Variants in CSRNP3 observed in about 807,000 individuals in gnomAD.
CSRNP3 encodes cysteine and serine rich nuclear protein 3.
Under a neutral mutation model 48.0 loss-of-function variants are expected in CSRNP3, and 12 were observed. That is an observed-to-expected ratio of 0.25 (90% CI 0.16 to 0.41). The LOEUF is 0.41. CSRNP3 is among the 10% of genes least tolerant of loss of function. The pLI is 1.00. For missense variants in CSRNP3, 580 were observed against 724.4 expected (o/e 0.80, Z 2.29); for synonymous variants, 263 against 269.7 (o/e 0.98, Z 0.24).
intron 5 of CSRNP3, among the ~76,000 whole-genome samples, chr2:165,674,168 A>G (rs1687381224): frequency 6.6e-6 from 1 of 152,202 alleles, no homozygotes; most frequent in South Asian, 2.1e-4. Context: ...ATTAAAGGGA[A>G]TCATGCTACC....
At position 165,679,126 on chromosome 2, in the gene CSRNP3, AGAG is replaced by A. The variant is rs1233642981; in HGVS notation, c.1134_1136del (p.Glu383del). On this transcript the variant is annotated inframe_deletion, in exon 7 of 7. Coordinates refer to ENST00000651982, the MANE Select transcript of CSRNP3 (RefSeq NM_001172173.2). Reference sequence around the variant, plus strand: ...CAGACGAGGAGGAGGAGGAAGAAGAAGAGGAAGAGGAGGAGGAGGATGACGATG... The same window carrying A: ...CAGACGAGGAGGAGGAGGAAGAAGAAGAAGAGGAGGAGGAGGATGACGATG... 3 of 1,613,664 alleles carry A rather than the reference AGAG, an allele frequency of 1.9e-6. No homozygotes were observed. Among genetic ancestry groups the A allele is most frequent in the African/African-American group, 1.3e-5 (1 of 74,872 alleles).
At chr2:165,557,909 T>C (rs1330460549) in intron 3 of CSRNP3, among the ~76,000 whole-genome samples, 2 of 152,218 alleles carry the variant, frequency 1.3e-5, no homozygotes, top group Non-Finnish European at 2.9e-5. Flanking sequence ...TGGAATCCAG[T>C]TTCTTATTTA....
At position 165,678,920 on chromosome 2, in the gene CSRNP3, G is replaced by A. The variant is rs141222366; in HGVS notation, c.925G>A (p.Val309Ile). 2.5e-5 allele frequency: 41 copies of A among 1,614,018 alleles called. No homozygotes were observed. The Middle Eastern group carries it at 6.6e-4, about 26-fold the overall frequency. The change falls in exon 7 of 7, where the codon GTA becomes ATA. Residue 309 changes from valine (V) to isoleucine (I), a missense_variant. By Grantham distance (29) the Val-to-Ile change is conservative. This residue lies in a region of CSRNP3 where 369 missense variants were observed against 380.8 expected (regional missense o/e 0.97). Transcript: ENST00000651982. Reference sequence around the variant, plus strand: ...TTCTATGGGCCCTGTCGCTCACTCCGTAGAATATTCAATCGCAGACAGTTT... The same window carrying A: ...TTCTATGGGCCCTGTCGCTCACTCCATAGAATATTCAATCGCAGACAGTTT... Reference protein sequence around the residue: ...SSSMGPVAHSVEYSIADSFEI... With the variant: ...SSSMGPVAHSIEYSIADSFEI...
chr2:165,607,883 C>T (rs1210928206), intron 4 of CSRNP3, among the ~76,000 whole-genome samples: 2 of 151,882 alleles, frequency 1.3e-5, no homozygotes, highest in Admixed American at 6.6e-5. Context: ...CCTGTTTCTT[C>T]TTTCGCAAAA....
chr2:165,572,568 G>T (rs1685389493), intron 3 of CSRNP3: 1 of 152,184 alleles, frequency 6.6e-6, no homozygotes, highest in East Asian at 1.9e-4. Context: ...CAAGGACTAA[G>T]ACTACAGTTA....
In CSRNP3 at chr2:165,615,887, GGTTTTT is replaced by G. The variant is rs1377247992; in HGVS notation, c.148+20675_148+20680del. ...CACCATATCTGGCTAATGTTTGTGG[GGTTTTT>G]TTTTTTTTTTTTTTTTTTTTACAGA... On this transcript the variant is annotated intron_variant, in intron 4 of 6. Coordinates refer to ENST00000651982, the MANE Select transcript of CSRNP3 (RefSeq NM_001172173.2). 7.5e-3 allele frequency among the ~76,000 whole-genome samples: 946 copies of G among 126,660 alleles called. 13 individuals carry two copies. The highest frequency in any genetic ancestry group is 0.021 in the African/African-American group (733 of 34,620). 83.1% of individuals were successfully genotyped at this position (126,660 alleles called of 152,430 possible). A position where few individuals can be genotyped will look rare whatever the true frequency, so the allele number is the denominator to read the frequency against.
At chr2:165,562,455 C>CTAT (rs1685246263) in intron 3 of CSRNP3, among the ~76,000 whole-genome samples, 1 of 152,154 alleles carries the variant, frequency 6.6e-6, no homozygotes, top group Admixed American at 6.6e-5. Context: ...TGATCCAATT[C>CTAT]TCATAACCCT....
Position 165,657,593 on chromosome 2 carries a change from G to A in CSRNP3, c.149-168G>A, listed in dbSNP as rs894697959. On this transcript the variant is annotated intron_variant, in intron 4 of 6. Transcript: ENST00000651982. ...CTGCTGCAGCTAGAAGAAAATTTAA[G>A]AAAGAAAATTAGAACTCTATGCCAA... Among the ~76,000 whole-genome samples the A allele has an allele frequency of 7.2e-5, 11 of 152,224 alleles. No individual in the cohort carries two copies. In the East Asian group the frequency reaches 1.9e-3, roughly 27 times the overall value.
At chr2:165,610,510 G>A (rs538024002) in intron 4 of CSRNP3, among the ~76,000 whole-genome samples, 137 of 152,140 alleles carry the variant, frequency 9.0e-4, no homozygotes, top group Non-Finnish European at 1.7e-3. Flanking sequence ...CTGATGCCAT[G>A]GCTAATAGTC....
intron 3 of CSRNP3, among the ~76,000 whole-genome samples, chr2:165,556,436 A>T (rs1261761999): frequency 6.6e-6 from 1 of 152,150 alleles, no homozygotes; most frequent in East Asian, 1.9e-4. Context: ...AATAAAAGTC[A>T]AACCCTGAGA....
chr2:165,673,129 C>CATTT (rs1159261395), intron 5 of CSRNP3, among the ~76,000 whole-genome samples: 1 of 42,972 alleles, frequency 2.3e-5, no homozygotes, highest in African/African-American at 7.3e-5. Context: ...CAGTATGTAG[C>CATTT]TCTTTTTTTT....
chr2:165,606,408 T>C (rs1686014045), intron 4 of CSRNP3, among the ~76,000 whole-genome samples: 1 of 140,404 alleles, frequency 7.1e-6, no homozygotes, highest in South Asian at 2.3e-4. Flanking sequence ...CCTGAGCAGA[T>C]AATACACAGA....
At chr2:165,515,046 G>A (rs1342661358) in intron 2 of CSRNP3, among the ~76,000 whole-genome samples, 5 of 152,106 alleles carry the variant, frequency 3.3e-5, no homozygotes, top group Non-Finnish European at 7.4e-5. Flanking sequence ...GTGGCCAAGC[G>A]CTGTGGCTCA....
intron 5 of CSRNP3, among the ~76,000 whole-genome samples, chr2:165,674,290 A>G (rs1170187335): frequency 6.6e-6 from 1 of 152,110 alleles, no homozygotes; most frequent in Non-Finnish European, 1.5e-5. Context: ...GGTAAGATGT[A>G]AAAGGGAACA....
intron 5 of CSRNP3, 113 bp from the exon 6 acceptor site, chr2:165,676,199 T>G: frequency 1.3e-6 from 1 of 784,286 alleles, no homozygotes; most frequent in Non-Finnish European, 2.1e-6. Flanking sequence ...AACAAACACT[T>G]GTTGATTATG....
chr2:165,522,255 G>T (rs1684673356), intron 3 of CSRNP3, among the ~76,000 whole-genome samples: 1 of 152,048 alleles, frequency 6.6e-6, no homozygotes, highest in African/African-American at 2.4e-5. Flanking sequence ...TCATGCCACT[G>T]CACTCCAGCC....
intron 4 of CSRNP3, among the ~76,000 whole-genome samples, chr2:165,629,656 G>T (rs2105325528): frequency 6.6e-6 from 1 of 152,242 alleles, no homozygotes; most frequent in African/African-American, 2.4e-5. Flanking sequence ...TCCCTCTAGG[G>T]TCATTCATGA....
chr2:165,673,440 A>G (rs1338072936), intron 5 of CSRNP3, among the ~76,000 whole-genome samples: 3 of 151,968 alleles, frequency 2.0e-5, no homozygotes, highest in Non-Finnish European at 4.4e-5. Context: ...AGCTGGCCAG[A>G]TTCTTAATTA....
At chr2:165,626,636 C>CTGCTTGG (rs1334972857) in intron 4 of CSRNP3, among the ~76,000 whole-genome samples, 2 of 152,200 alleles carry the variant, frequency 1.3e-5, no homozygotes, top group Non-Finnish European at 2.9e-5. Flanking sequence ...CCAAGCAGGT[C>CTGCTTGG]AGTACAGACT....
Sources: allele counts gnomAD v4.1 joint callset (sites outside exome capture counted in the v4.1 genomes callset), GRCh38; gene constraint gnomAD v4.1.1; regional missense constraint gnomAD v4.1.1; transcripts MANE v1.5; gene names NCBI Gene and HGNC (gene_info 2026-07-23, HGNC 2026-07-21).